Variants in CAMK2D observed in about 807,000 individuals in gnomAD.
The protein encoded by CAMK2D is calcium/calmodulin-dependent protein kinase type II subunit delta.
A neutral mutation model predicts 84.0 loss-of-function variants in CAMK2D; 37 were observed. The observed-to-expected ratio is 0.44, with a 90% CI of 0.34 to 0.58. The LOEUF (loss-of-function observed/expected upper bound fraction) is 0.58. CAMK2D is among the 20% of genes least tolerant of loss of function. The pLI, the probability that CAMK2D is intolerant of heterozygous loss-of-function variation, is 0.02. For missense variants in CAMK2D, 448 were observed against 652.5 expected, an observed-to-expected ratio of 0.69 and a Z score of 3.41; for synonymous variants, 202 against 212.5, an observed-to-expected ratio of 0.95 and a Z score of 0.43.
intron 2 of CAMK2D, among the ~76,000 whole-genome samples, chr4:113,666,191 CAACA>C (rs1208330557): frequency 6.6e-6 from 1 of 152,102 alleles, no homozygotes; most frequent in African/African-American, 2.4e-5. Context: ...CTACATAAAG[CAACA>C]ATATATCTAC....
At chr4:113,524,065 AC>A (rs2154176545) in intron 8 of CAMK2D, among the ~76,000 whole-genome samples, 1 of 152,080 alleles carries the variant, frequency 6.6e-6, no homozygotes, top group African/African-American at 2.4e-5. Flanking sequence ...AGGTAGGGTC[AC>A]ACTATATGTT....
At chr4:113,470,000 C>A (rs1196837000) in intron 16 of CAMK2D, among the ~76,000 whole-genome samples, 1 of 152,134 alleles carries the variant, frequency 6.6e-6, no homozygotes, top group Non-Finnish European at 1.5e-5. Context: ...CTCTACAATG[C>A]AACCACCTCT....
At chr4:113,531,526 A>G (rs2098458111) in intron 7 of CAMK2D, among the ~76,000 whole-genome samples, 1 of 152,182 alleles carries the variant, frequency 6.6e-6, no homozygotes, top group Admixed American at 6.5e-5. Flanking sequence ...CTTTTTTTCC[A>G]GATATGAAGG....
At chr4:113,460,409 A>AGTT (rs2097358645) in intron 17 of CAMK2D, among the ~76,000 whole-genome samples, 168 bp from the exon 18 acceptor site, 3 of 152,168 alleles carry the variant, frequency 2.0e-5, no homozygotes, top group Middle Eastern at 6.8e-3. Context: ...TGAGGAGCAG[A>AGTT]CTCTTAAAAA....
At position 113,635,055 on chromosome 4, in the gene CAMK2D, C is replaced by T. The variant is rs568661649; in HGVS notation, c.221-25849G>A. 4.6e-5 allele frequency among the ~76,000 whole-genome samples: 7 copies of T among 152,326 alleles called. No individual in the cohort carries two copies. The East Asian group carries it at 1.3e-3, about 29-fold the overall frequency. ...ACAAAAATGAGGGGTTAGCAAGTCA[C>T]TTGGTGTCATAGGCAAATATTTATA... is the stretch of plus-strand genomic sequence containing the variant. On this transcript the variant is annotated intron_variant, in intron 3 of 20. Transcript: ENST00000511664.
At chr4:113,665,015 G>C (rs1251322766) in intron 2 of CAMK2D, among the ~76,000 whole-genome samples, 1 of 152,164 alleles carries the variant, frequency 6.6e-6, no homozygotes, top group Non-Finnish European at 1.5e-5. Context: ...TGTTGGCCAG[G>C]CTGGTTTCAA....
At chr4:113,556,515 C>A (rs1379252770) in intron 4 of CAMK2D, among the ~76,000 whole-genome samples, 1 of 152,096 alleles carries the variant, frequency 6.6e-6, no homozygotes, top group Non-Finnish European at 1.5e-5. Flanking sequence ...CTGATCAGGG[C>A]TCATTAGTAG....
At chr4:113,744,931 C>G (rs2099600950) in intron 2 of CAMK2D, among the ~76,000 whole-genome samples, 1 of 152,082 alleles carries the variant, frequency 6.6e-6, no homozygotes, top group Non-Finnish European at 1.5e-5. Context: ...AATCATCTTC[C>G]CTCATCAAAA....
chr4:113,482,153 T>C (rs939472726), intron 16 of CAMK2D, among the ~76,000 whole-genome samples: 2 of 152,164 alleles, frequency 1.3e-5, no homozygotes, highest in African/African-American at 2.4e-5. Flanking sequence ...CTATTCTCTG[T>C]TGAGAATAGA....
rs1318928446 is a variant in CAMK2D, at chr4:113,452,977, G to GT, written c.*1567dup. On this transcript the variant is annotated 3_prime_UTR_variant, in exon 21 of 21. Transcript: ENST00000511664. ...GAGGAAGGGTTGTTTTTGTTATTTT[G>GT]TTTTTCTTTTTTGCTTCTGCTTTAA... 3 of 151,278 alleles carry GT rather than the reference G, an allele frequency of 2.0e-5. No individual in the cohort carries two copies. The highest frequency in any genetic ancestry group is 7.4e-5 in the African/African-American group (3 of 40,376). 9.4% of individuals were successfully genotyped at this position (151,278 alleles called of 1,614,324 possible).
intron 16 of CAMK2D, among the ~76,000 whole-genome samples, chr4:113,478,357 A>G (rs1318062271): frequency 2.6e-5 from 4 of 152,244 alleles, no homozygotes; most frequent in Non-Finnish European, 5.9e-5. Context: ...ATGTTTACAC[A>G]CATCTCAAAC....
chr4:113,746,404 C>T (rs2099604226), intron 2 of CAMK2D, among the ~76,000 whole-genome samples: 1 of 152,030 alleles, frequency 6.6e-6, no homozygotes, highest in African/African-American at 2.4e-5. Flanking sequence ...TTAGCCACCC[C>T]TGTTCATGCC....
chr4:113,570,671 T>C (rs1374353069), intron 4 of CAMK2D, among the ~76,000 whole-genome samples: 5 of 152,160 alleles, frequency 3.3e-5, no homozygotes, highest in Admixed American at 3.3e-4. Context: ...AAGACTTAAA[T>C]GTAAGATTTA....
At chr4:113,680,580 GACAA>G (rs2099340965) in intron 2 of CAMK2D, among the ~76,000 whole-genome samples, 2 of 152,276 alleles carry the variant, frequency 1.3e-5, no homozygotes, top group South Asian at 4.1e-4. Context: ...AGCTGAGTGG[GACAA>G]ACAAACAAAA....
At chr4:113,561,973 C>T (rs761379369) in intron 4 of CAMK2D, among the ~76,000 whole-genome samples, 4 of 152,048 alleles carry the variant, frequency 2.6e-5, no homozygotes, top group Non-Finnish European at 5.9e-5. Flanking sequence ...TGTATGTGTG[C>T]CTGCATACAC....
rs184876577 is a variant in CAMK2D, at chr4:113,591,499, C to T, written c.275+17653G>A. ...CTCAGTTCCAAAAACTAGCATCTCT[C>T]ACTAGGATGCCAATGTTCTCCAACT... On this transcript the variant is annotated intron_variant, in intron 4 of 20. Coordinates refer to ENST00000511664, the MANE Select transcript of CAMK2D (RefSeq NM_001321571.2). Among the ~76,000 whole-genome samples the T allele has an allele frequency of 2.0e-3, 302 of 152,338 alleles. 3 individuals are homozygous for T. Among genetic ancestry groups the T allele is most frequent in the Non-Finnish European group, 7.6e-4 (52 of 68,036 alleles).
At chr4:113,537,516 T>C in intron 6 of CAMK2D, 73 bp from the exon 7 acceptor site, 1 of 868,042 alleles carries the variant, frequency 1.2e-6, no homozygotes, top group South Asian at 1.5e-5. Flanking sequence ...ACTAACAACA[T>C]TTTACAGGAT....
chr4:113,492,200 C>T (rs555105495), intron 16 of CAMK2D, among the ~76,000 whole-genome samples: 6,585 of 151,846 alleles, frequency 0.043, 451 homozygotes, highest in African/African-American at 0.15. Context: ...AATGTGTTTG[C>T]TCTTGCTTTT....
At chr4:113,569,469 T>A (rs1448289563) in intron 4 of CAMK2D, among the ~76,000 whole-genome samples, 1 of 152,234 alleles carries the variant, frequency 6.6e-6, no homozygotes, top group Non-Finnish European at 1.5e-5. Context: ...TTTGTTCTAA[T>A]AATTCTGGTA....
Sources: gnomAD v4.1 joint callset for allele counts (sites outside exome capture counted in the v4.1 genomes callset) on GRCh38, gnomAD v4.1.1 for gene constraint, MANE v1.5 for transcripts, NCBI Gene and HGNC (gene_info 2026-07-23, HGNC 2026-07-21) for gene names.